Variants in GRID1 observed in about 807,000 individuals in gnomAD.
The protein encoded by GRID1 is glutamate ionotropic receptor delta type subunit 1, also known as glutamate receptor ionotropic, delta-1.
Under a neutral mutation model 98.0 loss-of-function variants are expected in GRID1, and 28 were observed. The ratio of observed to expected loss-of-function variants is 0.29; its 90% CI spans 0.21 to 0.39. GRID1 has a LOEUF of 0.39. Among genes scored for constraint, GRID1 ranks in the 10% least tolerant of loss-of-function variants. GRID1 has a pLI of 1.00. For synonymous variants in GRID1, 553 were observed against 538.5 expected, an observed-to-expected ratio of 1.03 and a Z score of -0.37; for missense variants, 1,111 against 1,340.5, an observed-to-expected ratio of 0.83 and a Z score of 2.67.
intron 8 of GRID1, among the ~76,000 whole-genome samples, chr10:85,821,534 A>G (rs1026747805): frequency 7.7e-5 from 11 of 143,290 alleles, no homozygotes; most frequent in East Asian, 2.0e-4. Flanking sequence ...AAAAAAAAAA[A>G]AAAAAAAAAA....
chr10:85,784,199 C>A (rs931173663), intron 8 of GRID1, among the ~76,000 whole-genome samples: 5 of 152,228 alleles, frequency 3.3e-5, no homozygotes, highest in Non-Finnish European at 1.5e-5. Flanking sequence ...CAGGAATCAT[C>A]TAGCTCAAGA....
At chr10:86,177,276 T>G (rs2131997969) in intron 3 of GRID1, among the ~76,000 whole-genome samples, 1 of 152,294 alleles carries the variant, frequency 6.6e-6, no homozygotes, top group South Asian at 2.1e-4. Context: ...CATTGTCTTT[T>G]CCCTACTCCC....
intron 8 of GRID1, among the ~76,000 whole-genome samples, chr10:85,779,954 C>T (rs1028031394): frequency 4.6e-5 from 7 of 152,114 alleles, no homozygotes; most frequent in South Asian, 2.1e-4. Context: ...AGATGCCTGC[C>T]GGAGAAAGGG....
intron 6 of GRID1, among the ~76,000 whole-genome samples, chr10:85,860,424 T>C (rs1029924346): frequency 6.6e-6 from 1 of 152,036 alleles, no homozygotes; most frequent in Non-Finnish European, 1.5e-5. Context: ...CAAAGCAAAA[T>C]ACCTGGAGCC....
intron 4 of GRID1, among the ~76,000 whole-genome samples, chr10:85,971,815 T>C (rs940119432): frequency 1.3e-5 from 2 of 152,140 alleles, no homozygotes; most frequent in Non-Finnish European, 2.9e-5. Flanking sequence ...ACATCTACTT[T>C]ATAATCCTGC....
At chr10:86,149,525 C>A (rs1346422730) in intron 3 of GRID1, among the ~76,000 whole-genome samples, 1 of 152,236 alleles carries the variant, frequency 6.6e-6, no homozygotes, top group Non-Finnish European at 1.5e-5. Context: ...TCCAATTTCC[C>A]ACCAAGCTCT....
chr10:86,165,778 G>A (rs1269543689), intron 3 of GRID1, among the ~76,000 whole-genome samples: 2 of 152,106 alleles, frequency 1.3e-5, no homozygotes, highest in Middle Eastern at 3.2e-3. Flanking sequence ...CTCAGGGGAG[G>A]AAACCAAGGG....
chr10:85,992,692 G>A (rs996899639), intron 4 of GRID1, among the ~76,000 whole-genome samples: 1 of 152,158 alleles, frequency 6.6e-6, no homozygotes, highest in Non-Finnish European at 1.5e-5. Flanking sequence ...GCTCACGTTT[G>A]TAATTCTGGT....
intron 13 of GRID1, among the ~76,000 whole-genome samples, chr10:85,625,189 G>A (rs1031596494): frequency 6.6e-6 from 1 of 152,194 alleles, no homozygotes; most frequent in Non-Finnish European, 1.5e-5. Context: ...TGAAAGTGTT[G>A]TGTTTATTTA....
intron 4 of GRID1, among the ~76,000 whole-genome samples, chr10:86,056,909 C>T (rs1164994914): frequency 6.6e-6 from 1 of 152,230 alleles, no homozygotes; most frequent in African/African-American, 2.4e-5. Context: ...TTTGAGATGC[C>T]ACGAAGCATC....
rs904266614 is a variant in GRID1, at chr10:85,729,396, G to T, written c.1335+117C>A. 2.0e-5 allele frequency: 12 copies of T among 603,464 alleles called. No individual in the cohort carries two copies. The East Asian group carries it at 3.3e-4, about 16-fold the overall frequency. The allele number at this position is 603,464 out of a possible 1,614,324, so 37.4% of individuals were successfully genotyped here. A position where few individuals can be genotyped will look rare whatever the true frequency, so the allele number is the denominator to read the frequency against. Reference sequence around the variant, plus strand: ...TATTTGAATGAAAGGCCTTATGAAAGCTCACAATACTCCTCAAGATTCTCT... The same window carrying T: ...TATTTGAATGAAAGGCCTTATGAAATCTCACAATACTCCTCAAGATTCTCT... On this transcript the variant is annotated intron_variant, in intron 9 of 15. Coordinates refer to ENST00000327946, the MANE Select transcript of GRID1 (RefSeq NM_017551.3).
chr10:85,845,685 C>T (rs1842999055), intron 8 of GRID1, among the ~76,000 whole-genome samples: 1 of 152,178 alleles, frequency 6.6e-6, no homozygotes, highest in East Asian at 1.9e-4. Flanking sequence ...TTCGCATGCC[C>T]CTCTGGGGAA....
chr10:85,858,983 C>T lies in GRID1; in HGVS notation c.952-2793G>A, dbSNP rs184849208. ...CATGACTCAGAAAGGCCAAAGGAAG[C>T]CCTCAGTCTTCCCACAAGTATGTCT... On this transcript the variant is annotated intron_variant, in intron 6 of 15. Coordinates refer to ENST00000327946, the MANE Select transcript of GRID1 (RefSeq NM_017551.3). 1.4e-3 allele frequency among the ~76,000 whole-genome samples: 213 copies of T among 152,308 alleles called. 1 individual carries two copies. The highest frequency in any genetic ancestry group is 4.7e-3 in the African/African-American group (194 of 41,558).
intron 8 of GRID1, among the ~76,000 whole-genome samples, chr10:85,733,311 C>T (rs1432936444): frequency 6.6e-6 from 1 of 152,170 alleles, no homozygotes; most frequent in East Asian, 1.9e-4. Context: ...TGTCTAGAGC[C>T]TCAGGCTCTT....
intron 2 of GRID1, among the ~76,000 whole-genome samples, chr10:86,351,456 A>G (rs1000943345): frequency 1.3e-5 from 2 of 152,202 alleles, no homozygotes; most frequent in Non-Finnish European, 2.9e-5. Flanking sequence ...CGGTGAGGGC[A>G]GCACAGGCCC....
chr10:85,723,737 T>C (rs768420325), intron 11 of GRID1, among the ~76,000 whole-genome samples: 12 of 152,194 alleles, frequency 7.9e-5, no homozygotes, highest in Admixed American at 2.0e-4. Context: ...TTATTTCTCC[T>C]TGGTCTCTAA....
At chr10:85,874,577 T>C (rs1268033964) in intron 5 of GRID1, among the ~76,000 whole-genome samples, 1 of 152,214 alleles carries the variant, frequency 6.6e-6, no homozygotes, top group Non-Finnish European at 1.5e-5. Context: ...GGAATATATT[T>C]TTTTATTCTA....
intron 8 of GRID1, among the ~76,000 whole-genome samples, chr10:85,847,956 G>A (rs1360999624): frequency 2.0e-5 from 3 of 152,112 alleles, no homozygotes; most frequent in Admixed American, 1.3e-4. Flanking sequence ...CTTTCTGAAA[G>A]AGAGGTTATA....
At chr10:86,001,629 T>C (rs1351876649) in intron 4 of GRID1, among the ~76,000 whole-genome samples, 1 of 152,226 alleles carries the variant, frequency 6.6e-6, no homozygotes, top group African/African-American at 2.4e-5. Flanking sequence ...CAAATGCAGA[T>C]TCAGCTTCAG....
Sources: allele counts gnomAD v4.1 joint callset (sites outside exome capture counted in the v4.1 genomes callset), GRCh38; gene constraint gnomAD v4.1.1; transcripts MANE v1.5; gene names NCBI Gene and HGNC (gene_info 2026-07-23, HGNC 2026-07-21).